The following PAPPA variants were observed in gnomAD, a reference collection of about 807,000 sequenced individuals.
PAPPA encodes pappalysin 1, also known as pappalysin-1.
A neutral mutation model predicts 164.0 loss-of-function variants in PAPPA; 60 were observed. That is an observed-to-expected ratio of 0.37 (90% CI 0.30 to 0.45). The LOEUF is 0.45. PAPPA is among the 20% of genes least tolerant of loss of function. The pLI is 1.00. For synonymous variants in PAPPA, 875 were observed against 814.1 expected, an observed-to-expected ratio of 1.07 and a Z score of -1.27; for missense variants, 1,782 against 2,087.3, an observed-to-expected ratio of 0.85 and a Z score of 2.85.
rs1033750904 is a variant in PAPPA, at chr9:116,221,758, C to T, written c.2111+1629C>T. Among the ~76,000 whole-genome samples the T allele has an allele frequency of 2.6e-5, 4 of 152,160 alleles. No individual in the cohort carries two copies. In the South Asian group the frequency reaches 8.3e-4, roughly 32 times the overall value. On this transcript the variant is annotated intron_variant, in intron 5 of 21. Coordinates refer to ENST00000328252, the MANE Select transcript of PAPPA (RefSeq NM_002581.5). The stretch of plus-strand genomic sequence containing the variant: ...GCCACAAAAAGAAGCAAGAAATTCT[C>T]ATTTACAAGTGTATTTGTCTGCATT...
intron 1 of PAPPA, among the ~76,000 whole-genome samples, chr9:116,184,515 C>G (rs1184648710): frequency 1.3e-5 from 2 of 152,152 alleles, no homozygotes; most frequent in African/African-American, 2.4e-5. Context: ...CCTGAACCCT[C>G]CAGCATCTTA....
chr9:116,195,854 C>G (rs1348081354), intron 2 of PAPPA, among the ~76,000 whole-genome samples: 2 of 152,084 alleles, frequency 1.3e-5, no homozygotes, highest in Non-Finnish European at 2.9e-5. Context: ...ACCAAAAGCC[C>G]TTTTATTTTA....
intron 9 of PAPPA, among the ~76,000 whole-genome samples, chr9:116,279,465 G>C (rs1845241682): frequency 6.6e-6 from 1 of 152,092 alleles, no homozygotes. Context: ...ACCCCACAGA[G>C]AGGCAGGGCT....
At chr9:116,324,983 G>A (rs1845903605) in intron 10 of PAPPA, among the ~76,000 whole-genome samples, 1 of 152,178 alleles carries the variant, frequency 6.6e-6, no homozygotes, top group Admixed American at 6.5e-5. Flanking sequence ...TAAGTAGCAG[G>A]GTGGTATGGT....
Position 116,187,700 on chromosome 9 carries a change from G to A in PAPPA, c.962G>A (p.Ser321Asn). ...GCCCACGGCTTTCTGCTGGACACGA[G>A]TCTGGAGCCTCCTCTGTGCGGACAG... is the stretch of plus-strand genomic sequence containing the variant. The part of the protein sequence containing the change: ...SNAHGFLLDT[S>N]LEPPLCGQTL... Residue 321 changes from serine (S) to asparagine (N), a missense_variant, in exon 2 of 22, where the codon AGT becomes AAT. Transcript: ENST00000328252. The surrounding 1 kb of genome is among the most constrained non-coding windows in gnomAD (Gnocchi z 4.2). 6.2e-7 allele frequency: 1 copy of A among 1,614,260 alleles called. No homozygotes were observed. Among genetic ancestry groups the A allele is most frequent in the Non-Finnish European group, 8.5e-7 (1 of 1,180,042 alleles).
rs192567747 is a variant in PAPPA, at chr9:116,346,286, G to A, written c.3781-740G>A. On this transcript the variant is annotated intron_variant, in intron 14 of 21. Coordinates refer to ENST00000328252, the MANE Select transcript of PAPPA (RefSeq NM_002581.5). ...TTGCCCTCCACCCAGCTCCACCATCGTGTAGTTTGGTTCAAATCTCCATTT... is the reference window on the plus strand; with the variant it reads ...TTGCCCTCCACCCAGCTCCACCATCATGTAGTTTGGTTCAAATCTCCATTT... Among the ~76,000 whole-genome samples the A allele has an allele frequency of 1.1e-3, 165 of 152,214 alleles. 1 individual carries two copies. The highest frequency in any genetic ancestry group is 1.4e-3 in the Non-Finnish European group (92 of 68,022).
At chr9:116,158,155 C>G (rs1843625318) in intron 1 of PAPPA, among the ~76,000 whole-genome samples, 2 of 152,104 alleles carry the variant, frequency 1.3e-5, no homozygotes, top group African/African-American at 4.8e-5. Flanking sequence ...AGCCTTTTTT[C>G]TTTTGTTCTA....
intron 9 of PAPPA, among the ~76,000 whole-genome samples, chr9:116,276,384 C>A (rs961418433): frequency 6.6e-6 from 1 of 152,202 alleles, no homozygotes; most frequent in African/African-American, 2.4e-5. Flanking sequence ...GAGAAGCCCT[C>A]ATGCTCTGTT....
intron 4 of PAPPA, among the ~76,000 whole-genome samples, chr9:116,218,694 C>T (rs765575238): frequency 2.6e-5 from 4 of 152,154 alleles, no homozygotes; most frequent in Admixed American, 6.5e-5. Context: ...TATCAACCAC[C>T]TGCAGGATTT....
At chr9:116,191,024 G>A (rs879630326) in intron 2 of PAPPA, among the ~76,000 whole-genome samples, 1 of 151,202 alleles carries the variant, frequency 6.6e-6, no homozygotes, top group African/African-American at 2.4e-5. Flanking sequence ...AAGGGAGGAA[G>A]GGAAGGAGGG....
At chr9:116,334,003 G>T (rs192038814) in intron 12 of PAPPA, among the ~76,000 whole-genome samples, 180 of 152,276 alleles carry the variant, frequency 1.2e-3, no homozygotes, top group African/African-American at 4.1e-3. Context: ...CCAGGACATG[G>T]TTAGGATTAT....
intron 17 of PAPPA, among the ~76,000 whole-genome samples, chr9:116,361,885 A>G (rs984360770): frequency 1.3e-5 from 2 of 152,216 alleles, no homozygotes; most frequent in African/African-American, 2.4e-5. Context: ...AGAAGGGATT[A>G]TGTCTTCAAG....
intron 1 of PAPPA, among the ~76,000 whole-genome samples, chr9:116,170,880 T>TA (rs57108450): frequency 5.4e-4 from 80 of 148,626 alleles, no homozygotes; most frequent in African/African-American, 9.9e-4. Flanking sequence ...TGTGAGTTCT[T>TA]AAAAAAAAAA....
chr9:116,154,452 A>C lies in PAPPA; in HGVS notation c.280A>C (p.Ser94Arg). Reference sequence around the variant, plus strand: ...CGCCACCGAGGAGCCGAGCCCGCCGAGCCGGGCGCTCTATTTCAGCGGGCG... The same window carrying C: ...CGCCACCGAGGAGCCGAGCCCGCCGCGCCGGGCGCTCTATTTCAGCGGGCG... ...RGATEEPSPP[S>R]RALYFSGRGE... The change falls in exon 1 of 22, where the codon AGC (serine) becomes CGC (arginine). Residue 94 changes from serine to arginine, a missense_variant. Ser to Arg is a moderately radical substitution (Grantham distance 110). Transcript: ENST00000328252. This position sits in a 1 kb window ranked among gnomAD's most constrained non-coding sequence, Gnocchi z 5.2. 1 of 1,280,842 alleles carries C rather than the reference A, an allele frequency of 7.8e-7. No homozygotes were observed. Among genetic ancestry groups the C allele is most frequent in the South Asian group, 2.5e-5 (1 of 40,046 alleles). 79.3% of individuals were successfully genotyped at this position (1,280,842 alleles called of 1,614,324 possible).
intron 7 of PAPPA, among the ~76,000 whole-genome samples, chr9:116,260,113 AAAAC>A (rs765648509): frequency 6.6e-6 from 1 of 152,210 alleles, no homozygotes; most frequent in African/African-American, 2.4e-5. Context: ...TAAAATATGT[AAAAC>A]AATACACTGT....
intron 10 of PAPPA, among the ~76,000 whole-genome samples, chr9:116,304,630 T>C (rs1189230296): frequency 6.6e-6 from 1 of 152,178 alleles, no homozygotes; most frequent in African/African-American, 2.4e-5. Context: ...AATTTTCCAG[T>C]CTTAGCATTT....
intron 6 of PAPPA, among the ~76,000 whole-genome samples, chr9:116,230,251 G>A (rs1167280858): frequency 2.6e-5 from 4 of 152,158 alleles, no homozygotes; most frequent in Non-Finnish European, 5.9e-5. Context: ...TATCCTTGAA[G>A]AAATAAACTT....
chr9:116,182,086 C>A (rs1016486620), intron 1 of PAPPA, among the ~76,000 whole-genome samples: 1 of 152,200 alleles, frequency 6.6e-6, no homozygotes, highest in Non-Finnish European at 1.5e-5. Flanking sequence ...ATTCTATAGA[C>A]CTGCATTCTG....
chr9:116,299,233 CTT>C (rs1304777505), intron 9 of PAPPA, among the ~76,000 whole-genome samples: 1 of 152,160 alleles, frequency 6.6e-6, no homozygotes, highest in Non-Finnish European at 1.5e-5. Flanking sequence ...TTCTGTCTCT[CTT>C]TCTCTCTCTC....
Sources: gnomAD v4.1 joint callset for allele counts (sites outside exome capture counted in the v4.1 genomes callset) on GRCh38, gnomAD v4.1.1 for gene constraint, Gnocchi (gnomAD v3.1) non-coding constraint, MANE v1.5 for transcripts, NCBI Gene and HGNC (gene_info 2026-07-23, HGNC 2026-07-21) for gene names.